The following TVP23A variants were observed in gnomAD, a reference collection of about 807,000 sequenced individuals.
TVP23A encodes trans-golgi network vesicle protein 23 homolog A, also known as Golgi apparatus membrane protein TVP23 homolog A.
A neutral mutation model predicts 31.7 loss-of-function variants in TVP23A; 21 were observed. The ratio of observed to expected loss-of-function variants is 0.66; its 90% CI spans 0.47 to 0.95. The LOEUF (loss-of-function observed/expected upper bound fraction) is 0.95, where lower values mean the gene tolerates loss of function less well. TVP23A is among the 40% of genes least tolerant of loss of function. The pLI is 0.00. For synonymous variants in TVP23A, 104 were observed against 96.0 expected, an observed-to-expected ratio of 1.08 and a Z score of -0.49; for missense variants, 279 against 255.6, an observed-to-expected ratio of 1.09 and a Z score of -0.62.
intron 2 of TVP23A, among the ~76,000 whole-genome samples, chr16:10,816,228 C>CA (rs760801777): frequency 0.014 from 1,028 of 73,500 alleles, 4 homozygotes; most frequent in Middle Eastern, 0.093. Flanking sequence ...AACCCTATCT[C>CA]AAAAAAAAAA....
In TVP23A at chr16:10,768,862, A is replaced by C. The variant is rs1420257442; in HGVS notation, c.*240T>G. The C allele has an allele frequency of 8.9e-6, 5 of 562,824 alleles. No individual in the cohort carries two copies. Among genetic ancestry groups the C allele is most frequent in the South Asian group, 7.4e-5 (3 of 40,406 alleles). 34.9% of individuals were successfully genotyped at this position (562,824 alleles called of 1,614,324 possible). ...AAGGCCGCAGCCACTGGTTATGAGC[A>C]AGATGGGTAGTGTGAGGTATTCCGG... On this transcript the variant is annotated 3_prime_UTR_variant, in exon 8 of 8. Transcript: ENST00000299866. The surrounding 1 kb of genome is among the most constrained non-coding windows in gnomAD (Gnocchi z 4.3).
At chr16:10,803,433 G>A (rs555164897) in intron 2 of TVP23A, among the ~76,000 whole-genome samples, 5 of 152,328 alleles carry the variant, frequency 3.3e-5, no homozygotes, top group African/African-American at 9.6e-5. Context: ...GAACAGGCTG[G>A]ACAAAGTTCT....
intron 2 of TVP23A, among the ~76,000 whole-genome samples, chr16:10,803,245 CTGTGTGTGTGTGTGTGTGTG>C (rs3040297): frequency 1.5e-5 from 2 of 135,378 alleles, no homozygotes; most frequent in South Asian, 2.4e-4. Flanking sequence ...GATCGCGCCA[CTGTGTGTGTGTGTGTGTGTG>C]TGTGTGTGTG....
chr16:10,803,846 G>A (rs1001976712), intron 2 of TVP23A, among the ~76,000 whole-genome samples: 3 of 152,202 alleles, frequency 2.0e-5, no homozygotes, highest in Non-Finnish European at 4.4e-5. Context: ...GGATCTACAG[G>A]ACATGGGGTT....
chr16:10,770,983 A>C (rs2031568475), intron 6 of TVP23A, among the ~76,000 whole-genome samples: 1 of 152,054 alleles, frequency 6.6e-6, no homozygotes, highest in African/African-American at 2.4e-5. Flanking sequence ...AAGGACAAAA[A>C]CTATAATTGC....
chr16:10,804,546 G>A (rs1361150109), intron 2 of TVP23A, among the ~76,000 whole-genome samples: 1 of 152,180 alleles, frequency 6.6e-6, no homozygotes, highest in Admixed American at 6.5e-5. Flanking sequence ...CCAGGAGTCT[G>A]AGACCAGCCT....
intron 7 of TVP23A, among the ~76,000 whole-genome samples, chr16:10,769,717 T>C (rs748767770): frequency 3.9e-5 from 6 of 152,212 alleles, no homozygotes; most frequent in African/African-American, 1.4e-4. Context: ...GTAAATTCCC[T>C]GTGTAGTAAT....
Position 10,770,346 on chromosome 16 carries a change from G to A in TVP23A, c.583-15C>T. ...CCTGGGCAGGCCTGCAAGGGGAAAA[G>A]TCAACCATGGTTTTCTGTCCTTACA... On this transcript the variant is annotated splice_polypyrimidine_tract_variant and intron_variant, in intron 6 of 7. Coordinates refer to ENST00000299866, the MANE Select transcript of TVP23A (RefSeq NM_001079512.4). The A allele has an allele frequency of 1.9e-6, 3 of 1,550,552 alleles. No individual in the cohort carries two copies. Among genetic ancestry groups the A allele is most frequent in the Non-Finnish European group, 2.6e-6 (3 of 1,146,762 alleles).
In TVP23A at chr16:10,767,590, T is replaced by G. The variant is rs1360331095; in HGVS notation, c.*1512A>C. The G allele has an allele frequency of 2.2e-6, 1 of 457,192 alleles. No homozygotes were observed. The allele number at this position is 457,192 out of a possible 1,614,324, so 28.3% of individuals were successfully genotyped here. ...CTTGGCCTTTTATGCCATATCCTTTTGCATTCTGTACTTTTTTTAACCATG... is the reference window on the plus strand; with the variant it reads ...CTTGGCCTTTTATGCCATATCCTTTGGCATTCTGTACTTTTTTTAACCATG... On this transcript the variant is annotated 3_prime_UTR_variant, in exon 8 of 8. Coordinates refer to ENST00000299866, the MANE Select transcript of TVP23A (RefSeq NM_001079512.4). This position sits in a 1 kb window ranked among gnomAD's most constrained non-coding sequence, Gnocchi z 4.6.
In TVP23A at chr16:10,766,927, T is replaced by G. The variant is rs547182956; in HGVS notation, c.*2175A>C. On this transcript the variant is annotated 3_prime_UTR_variant, in exon 8 of 8. Transcript: ENST00000299866. The surrounding 1 kb of genome is among the most constrained non-coding windows in gnomAD (Gnocchi z 4.8). ...GAATTGGCCTTATGTTCCCTGCCTC[T>G]GGACCCTATTTTCCTGACTCACTGG... 11 of 398,722 alleles carry G rather than the reference T, an allele frequency of 2.8e-5. No homozygotes were observed. The East Asian group carries it at 3.9e-4, about 14-fold the overall frequency. 24.7% of individuals were successfully genotyped at this position (398,722 alleles called of 1,614,324 possible). A position where few individuals can be genotyped will look rare whatever the true frequency, so the allele number is the denominator to read the frequency against.
At chr16:10,774,254 GA>G in intron 3 of TVP23A, 126 bp from the exon 4 acceptor site, 1 of 604,282 alleles carries the variant, frequency 1.7e-6, no homozygotes, top group Non-Finnish European at 2.8e-6. Context: ...AAAAGGCCTT[GA>G]ATTGTAGTGG....
downstream of TVP23A, among the ~76,000 whole-genome samples, chr16:10,759,730 C>T (rs545428789): frequency 6.6e-5 from 10 of 152,204 alleles, no homozygotes; most frequent in East Asian, 1.4e-3. This position sits in a 1 kb window ranked among gnomAD's most constrained non-coding sequence, Gnocchi z 4.7. Context: ...GAGCCGAGAT[C>T]GCGCCACTGC....
At chr16:10,789,557 G>T (rs2032973927) in intron 2 of TVP23A, among the ~76,000 whole-genome samples, 1 of 151,366 alleles carries the variant, frequency 6.6e-6, no homozygotes, top group South Asian at 2.1e-4. Flanking sequence ...GGCTGGGTGT[G>T]GTGATTCACA....
intron 2 of TVP23A, among the ~76,000 whole-genome samples, chr16:10,799,881 C>G (rs1265290220): frequency 6.6e-6 from 1 of 152,096 alleles, no homozygotes; most frequent in African/African-American, 2.4e-5. Flanking sequence ...AGGCCCGAGA[C>G]TGACTTTCCA....
At chr16:10,763,427 G>A (rs2030328717), downstream of TVP23A, 1 of 152,282 alleles carries the variant, frequency 6.6e-6, no homozygotes, top group African/African-American at 2.4e-5. Context: ...GTGCCCAGGA[G>A]GCTGTGTCCC....
intron 2 of TVP23A, among the ~76,000 whole-genome samples, chr16:10,793,933 A>AAAAAAT (rs2033246010): frequency 7.5e-6 from 1 of 133,444 alleles, no homozygotes; most frequent in Non-Finnish European, 1.6e-5. Flanking sequence ...AAAAAAAAAA[A>AAAAAAT]GTATTTTTCA....
At chr16:10,798,609 G>C (rs1193109737) in intron 2 of TVP23A, among the ~76,000 whole-genome samples, 1 of 151,514 alleles carries the variant, frequency 6.6e-6, no homozygotes, top group South Asian at 2.1e-4. Flanking sequence ...AGAAGTGATT[G>C]TATGTCACTT....
At chr16:10,810,357 T>TG (rs1389548083) in intron 2 of TVP23A, among the ~76,000 whole-genome samples, 1 of 152,018 alleles carries the variant, frequency 6.6e-6, no homozygotes, top group Non-Finnish European at 1.5e-5. Context: ...AAGACCAGCC[T>TG]GGGCAACATA....
chr16:10,769,804 G>A (rs1369975656), intron 7 of TVP23A, among the ~76,000 whole-genome samples: 3 of 152,132 alleles, frequency 2.0e-5, no homozygotes, highest in Non-Finnish European at 2.9e-5. Flanking sequence ...AAAAAAGAGG[G>A]ACAGATGTAA....
Sources: allele counts gnomAD v4.1 joint callset (sites outside exome capture counted in the v4.1 genomes callset), GRCh38; gene constraint gnomAD v4.1.1; non-coding constraint Gnocchi (gnomAD v3.1); transcripts MANE v1.5; gene names NCBI Gene and HGNC (gene_info 2026-07-23, HGNC 2026-07-21).